Variants in PALM2AKAP2 observed in about 807,000 individuals in gnomAD.
The protein encoded by PALM2AKAP2 is PALM2-AKAP2 fusion protein.
PALM2AKAP2 carries 37 observed loss-of-function variants against 71.5 expected under a neutral mutation model. That is an observed-to-expected ratio of 0.52 (90% CI 0.40 to 0.68). PALM2AKAP2 has a LOEUF of 0.68. PALM2AKAP2 is among the 30% of genes least tolerant of loss of function. The probability of loss-of-function intolerance (pLI) is 0.00; values close to 1 mark genes in which losing one functional copy is unlikely to be tolerated. For synonymous variants in PALM2AKAP2, 468 were observed against 478.8 expected (o/e 0.98, Z 0.29); for missense variants, 1,224 against 1,191.8 (o/e 1.03, Z -0.40).
At chr9:109,963,750 A>G (rs1331376) in intron 6 of PALM2AKAP2, among the ~76,000 whole-genome samples, 37,836 of 152,136 alleles carry the variant, frequency 0.25, 5,622 homozygotes, top group East Asian at 0.7. Context: ...GAACGGTCCC[A>G]GCTCACATCC....
chr9:110,165,393 C>T (rs1404295111), intron 3 of PALM2AKAP2, among the ~76,000 whole-genome samples: 1 of 151,606 alleles, frequency 6.6e-6, no homozygotes, highest in Non-Finnish European at 1.5e-5. Context: ...TTCTGAAGAC[C>T]AGTTGTGGTG....
intron 1 of PALM2AKAP2, among the ~76,000 whole-genome samples, chr9:110,094,085 G>A (rs1334918751): frequency 6.6e-6 from 1 of 152,170 alleles, no homozygotes; most frequent in Admixed American, 6.5e-5. Flanking sequence ...CAACAAAGAG[G>A]CACCTGGCCC....
intron 1 of PALM2AKAP2, among the ~76,000 whole-genome samples, chr9:109,861,851 T>G (rs1341417284): frequency 6.6e-6 from 1 of 152,192 alleles, no homozygotes; most frequent in Non-Finnish European, 1.5e-5. Context: ...TAATAATGTA[T>G]TTTGCTTCTA....
chr9:109,903,026 G>A (rs1274737626), intron 3 of PALM2AKAP2, among the ~76,000 whole-genome samples: 1 of 152,042 alleles, frequency 6.6e-6, no homozygotes, highest in Non-Finnish European at 1.5e-5. Flanking sequence ...AGATTTCATG[G>A]ACACCTTTTT....
chr9:110,168,477 G>A, exon 4 of PALM2AKAP2: 1 of 1,614,162 alleles, frequency 6.2e-7, no homozygotes, highest in African/African-American at 1.3e-5. Context: ...TGCCAACCAG[G>A]AGGAAGAAGA....
At chr9:109,727,253 A>G (rs755149438) in intron 1 of PALM2AKAP2, among the ~76,000 whole-genome samples, 6 of 152,148 alleles carry the variant, frequency 3.9e-5, no homozygotes, top group Non-Finnish European at 8.8e-5. Context: ...TTGTGATAGT[A>G]TCTGCCCCAC....
chr9:110,136,707 C>T (rs1291713700), exon 2 of PALM2AKAP2: 2 of 1,614,092 alleles, frequency 1.2e-6, no homozygotes, highest in Non-Finnish European at 1.7e-6. Flanking sequence ...AGCTCCACAA[C>T]CAGCTCACGG....
At chr9:109,712,139 G>A (rs1057116663) in intron 1 of PALM2AKAP2, among the ~76,000 whole-genome samples, 2 of 152,030 alleles carry the variant, frequency 1.3e-5, no homozygotes, top group African/African-American at 4.8e-5. Flanking sequence ...AATAAAACAG[G>A]GGTAATACAA....
At chr9:109,742,594 T>C (rs760067979) in intron 1 of PALM2AKAP2, among the ~76,000 whole-genome samples, 36 of 152,314 alleles carry the variant, frequency 2.4e-4, no homozygotes, top group African/African-American at 7.0e-4. Flanking sequence ...CTCCCACACA[T>C]ACTATGACCA....
upstream of PALM2AKAP2, among the ~76,000 whole-genome samples, chr9:110,046,125 G>A (rs999208559): frequency 1.3e-5 from 2 of 152,108 alleles, no homozygotes; most frequent in African/African-American, 4.8e-5. Context: ...GAAAATAAAT[G>A]AGAAAATGTT....
intron 6 of PALM2AKAP2, among the ~76,000 whole-genome samples, chr9:109,964,237 C>G (rs1343426083): frequency 6.6e-6 from 1 of 152,258 alleles, no homozygotes; most frequent in Non-Finnish European, 1.5e-5. Context: ...TTGTCTTACA[C>G]CAGAGCTGTG....
At chr9:110,163,337 C>T (rs984275140) in intron 3 of PALM2AKAP2, among the ~76,000 whole-genome samples, 1 of 152,132 alleles carries the variant, frequency 6.6e-6, no homozygotes, top group Non-Finnish European at 1.5e-5. Flanking sequence ...TATCATGGAA[C>T]TGGCATTCAG....
At chr9:109,798,011 T>C (rs1246709075) in intron 1 of PALM2AKAP2, among the ~76,000 whole-genome samples, 2 of 152,240 alleles carry the variant, frequency 1.3e-5, no homozygotes, top group Non-Finnish European at 2.9e-5. Context: ...TTCTGGAGGC[T>C]AGAAGTCTGA....
chr9:109,924,652 C>T (rs993104768), intron 4 of PALM2AKAP2, among the ~76,000 whole-genome samples: 2 of 151,920 alleles, frequency 1.3e-5, no homozygotes, highest in Admixed American at 6.6e-5. Context: ...CAGGTGGTGC[C>T]GTGTATCAAA....
chr9:110,136,819 T>G, exon 2 of PALM2AKAP2: 1 of 1,614,130 alleles, frequency 6.2e-7, no homozygotes, highest in East Asian at 2.2e-5. Flanking sequence ...CCAAGCTCTT[T>G]GAGGATGACG....
At chr9:109,822,812 AGT>A (rs778288951) in intron 1 of PALM2AKAP2, among the ~76,000 whole-genome samples, 2 of 152,180 alleles carry the variant, frequency 1.3e-5, no homozygotes, top group African/African-American at 2.4e-5. Context: ...TGTTGTGAAC[AGT>A]GCTGTGATGA....
chr9:109,703,384 C>T (rs1418596613), intron 1 of PALM2AKAP2, among the ~76,000 whole-genome samples: 2 of 151,960 alleles, frequency 1.3e-5, no homozygotes, highest in Non-Finnish European at 2.9e-5. Flanking sequence ...TATATAAGAT[C>T]CTAGAGTGGT....
intron 6 of PALM2AKAP2, among the ~76,000 whole-genome samples, chr9:109,937,852 C>T (rs1831264558): frequency 6.6e-6 from 1 of 152,146 alleles, no homozygotes; most frequent in Non-Finnish European, 1.5e-5. Flanking sequence ...CCAGAAAGCC[C>T]TCACCCCTCA....
chr9:109,693,724 T>C (rs1046447175), intron 1 of PALM2AKAP2, among the ~76,000 whole-genome samples: 2 of 152,040 alleles, frequency 1.3e-5, no homozygotes, highest in Non-Finnish European at 2.9e-5. Context: ...AGAAATATGT[T>C]GTTTAATTTT....
Sources: allele counts gnomAD v4.1 joint callset (sites outside exome capture counted in the v4.1 genomes callset), GRCh38; gene constraint gnomAD v4.1.1; transcripts MANE v1.5; gene names NCBI Gene and HGNC (gene_info 2026-07-23, HGNC 2026-07-21).